Variants in MYCT1 observed in about 807,000 individuals in gnomAD.
MYCT1 encodes myc target protein 1.
A neutral mutation model predicts 15.0 loss-of-function variants in MYCT1; 12 were observed. That is an observed-to-expected ratio of 0.80 (90% CI 0.51 to 1.29). MYCT1 has a LOEUF of 1.29. Among genes scored for constraint, MYCT1 ranks in the 50% most tolerant of loss-of-function variants. The probability of loss-of-function intolerance (pLI) is 0.00; values close to 1 mark genes in which losing one functional copy is unlikely to be tolerated. For missense variants in MYCT1, 287 were observed against 279.1 expected, an observed-to-expected ratio of 1.03 and a Z score of -0.20; for synonymous variants, 104 against 102.7, an observed-to-expected ratio of 1.01 and a Z score of -0.07.
At position 152,724,322 on chromosome 6, in the gene MYCT1, T is replaced by A. The variant is rs1185953540; in HGVS notation, c.*2069T>A. The A allele has an allele frequency of 6.6e-6, 1 of 151,872 alleles. No individual in the cohort carries two copies. The highest frequency in any genetic ancestry group is 1.5e-5 in the Non-Finnish European group (1 of 67,954). The allele number at this position is 151,872 out of a possible 1,614,324, so 9.4% of individuals were successfully genotyped here. A position where few individuals can be genotyped will look rare whatever the true frequency, so the allele number is the denominator to read the frequency against. On this transcript the variant is annotated 3_prime_UTR_variant, in exon 2 of 2. Transcript: ENST00000367245. ...GTATGGTTTTTATCAAGAATTTGTG[T>A]TGGGAGTAAAAACTGCTTTATAGCT...
the MYCT1 span, among the ~76,000 whole-genome samples, chr6:152,731,726 C>T: frequency 2.0e-5 from 3 of 150,862 alleles, no homozygotes; most frequent in Admixed American, 1.3e-4. Flanking sequence ...TAAAGCATCA[C>T]GAGTAAGCAT....
chr6:152,707,158 C>G (rs2099722435), intron 1 of MYCT1, among the ~76,000 whole-genome samples: 1 of 152,018 alleles, frequency 6.6e-6, no homozygotes, highest in Non-Finnish European at 1.5e-5. Context: ...ACATCCTCAC[C>G]AGCACTCATT....
At chr6:152,725,057 G>T (rs983592900), downstream of MYCT1, among the ~76,000 whole-genome samples, 15 of 151,782 alleles carry the variant, frequency 9.9e-5, no homozygotes, top group African/African-American at 1.9e-4. Context: ...TAGGAAAGGG[G>T]TACTTTTTAA....
chr6:152,726,783 C>A (rs574440186), downstream of MYCT1, among the ~76,000 whole-genome samples: 1 of 152,306 alleles, frequency 6.6e-6, no homozygotes, highest in Admixed American at 6.5e-5. Flanking sequence ...GCCTGGCAAT[C>A]AGGTCACTGC....
the MYCT1 span, among the ~76,000 whole-genome samples, chr6:152,736,418 A>C: frequency 6.6e-6 from 1 of 152,126 alleles, no homozygotes; most frequent in Non-Finnish European, 1.5e-5. Flanking sequence ...AAACCCCACC[A>C]TATCAATGAG....
chr6:152,712,769 A>G (rs1201355653), intron 1 of MYCT1, among the ~76,000 whole-genome samples: 1 of 152,146 alleles, frequency 6.6e-6, no homozygotes, highest in Non-Finnish European at 1.5e-5. Context: ...TCTTATTAAA[A>G]GTGAGTATTT....
chr6:152,700,863 T>C (rs941764962), intron 1 of MYCT1, among the ~76,000 whole-genome samples: 1 of 152,144 alleles, frequency 6.6e-6, no homozygotes, highest in African/African-American at 2.4e-5. Flanking sequence ...TGGGGGAAGA[T>C]GTGGTTGCAG....
At chr6:152,731,323 C>T in the MYCT1 span, among the ~76,000 whole-genome samples, 1,286 of 152,216 alleles carry the variant, frequency 8.4e-3, 19 homozygotes, top group African/African-American at 0.03. Flanking sequence ...TATATCATTG[C>T]TAATCTAATA....
chr6:152,744,144 AG>A, the MYCT1 span, among the ~76,000 whole-genome samples: 48,139 of 151,982 alleles, frequency 0.32, 9,035 homozygotes, highest in East Asian at 0.51. Flanking sequence ...CAATGGATCC[AG>A]CTTCTTTTCC....
At chr6:152,733,879 G>A in the MYCT1 span, among the ~76,000 whole-genome samples, 1 of 152,034 alleles carries the variant, frequency 6.6e-6, no homozygotes, top group African/African-American at 2.4e-5. Context: ...TGAACAAGTT[G>A]CTTTTTCTTT....
At chr6:152,734,680 G>A in the MYCT1 span, among the ~76,000 whole-genome samples, 1 of 151,790 alleles carries the variant, frequency 6.6e-6, no homozygotes, top group East Asian at 1.9e-4. Context: ...TTTTTTTTAG[G>A]AAAATGTTTC....
intron 1 of MYCT1, among the ~76,000 whole-genome samples, chr6:152,721,281 A>C (rs1357673749): frequency 6.6e-6 from 1 of 152,238 alleles, no homozygotes; most frequent in African/African-American, 2.4e-5. Context: ...AGGTGGCAGA[A>C]ATCAATGTGA....
rs2099724765 is a variant in MYCT1 at position 152,721,865 on chromosome 6, G to A, written c.320G>A (p.Ser107Asn). ...GCCAGTGCTCCCATCTCACAGTGGA[G>A]TTCAAGCAGGAGATCTAGGTCTTCT... ...RRASAPISQW[S>N]SSRRSRSSYT... Residue 107 changes from serine (S) to asparagine (N), a missense_variant, in exon 2 of 2, where the codon AGT becomes AAT. Ser to Asn is a conservative substitution (Grantham distance 46). Transcript: ENST00000367245. 6.2e-7 allele frequency: 1 copy of A among 1,613,948 alleles called. No individual in the cohort carries two copies. Among genetic ancestry groups the A allele is most frequent in the African/African-American group, 1.3e-5 (1 of 74,896 alleles).
intron 1 of MYCT1, among the ~76,000 whole-genome samples, chr6:152,717,784 T>C (rs959619512): frequency 1.3e-5 from 2 of 152,174 alleles, no homozygotes; most frequent in Admixed American, 1.3e-4. Context: ...TTTTACTGAC[T>C]TTATGGATTA....
In MYCT1 at chr6:152,722,720, A is replaced by G. The variant is rs774370043; in HGVS notation, c.*467A>G. 2 of 378,132 alleles carry G rather than the reference A, an allele frequency of 5.3e-6. No individual in the cohort carries two copies. The highest frequency in any genetic ancestry group is 1.0e-5 in the Non-Finnish European group (2 of 193,502). 23.4% of individuals were successfully genotyped at this position (378,132 alleles called of 1,614,324 possible). A position where few individuals can be genotyped will look rare whatever the true frequency, so the allele number is the denominator to read the frequency against. On this transcript the variant is annotated 3_prime_UTR_variant, in exon 2 of 2. Coordinates refer to ENST00000367245, the MANE Select transcript of MYCT1 (RefSeq NM_025107.3). ...AGAATGACAAGTGAATCATATTGAC[A>G]TTTTACAATCTTAGATTTTTCTTTT...
At chr6:152,727,777 G>C (rs906095843), downstream of MYCT1, among the ~76,000 whole-genome samples, 22 of 152,176 alleles carry the variant, frequency 1.4e-4, no homozygotes, top group African/African-American at 5.3e-4. Context: ...CTACTGAAAA[G>C]CTACAGCAGA....
chr6:152,738,107 T>C, the MYCT1 span, among the ~76,000 whole-genome samples: 1 of 151,954 alleles, frequency 6.6e-6, no homozygotes, highest in East Asian at 1.9e-4. Context: ...TTAAGGGACA[T>C]AAAAACAGCT....
At chr6:152,730,275 C>T in the MYCT1 span, among the ~76,000 whole-genome samples, 16 of 152,262 alleles carry the variant, frequency 1.1e-4, no homozygotes, top group Non-Finnish European at 2.2e-4. Context: ...AATCTTCAGA[C>T]GGAAAGTCCA....
chr6:152,740,678 A>G, the MYCT1 span, among the ~76,000 whole-genome samples: 6 of 152,352 alleles, frequency 3.9e-5, no homozygotes, highest in African/African-American at 1.4e-4. Context: ...AAACAAGTAC[A>G]CATCTCCCAG....
Sources: gnomAD v4.1 joint callset for allele counts (sites outside exome capture counted in the v4.1 genomes callset) on GRCh38, gnomAD v4.1.1 for gene constraint, MANE v1.5 for transcripts, NCBI Gene and HGNC (gene_info 2026-07-23, HGNC 2026-07-21) for gene names.